GHR: variants seen among roughly 807,000 people sequenced by gnomAD.
GHR encodes the protein growth hormone receptor.
A neutral mutation model predicts 67.1 loss-of-function variants in GHR; 35 were observed. The ratio of observed to expected loss-of-function variants is 0.52; its 90% confidence interval spans 0.40 to 0.69. The LOEUF is 0.69. Ranked by LOEUF, GHR falls within the 30% of genes least tolerant of loss-of-function variation. The pLI is 0.00. For synonymous variants in GHR, 272 were observed against 269.1 expected (o/e 1.01, Z -0.10); for missense variants, 792 against 764.6 (o/e 1.04, Z -0.42).
At chr5:42,666,586 A>T (rs1434510484) in intron 3 of GHR, among the ~76,000 whole-genome samples, 1 of 152,200 alleles carries the variant, frequency 6.6e-6, no homozygotes, top group East Asian at 1.9e-4. Context: ...TAAAATTTAA[A>T]ATTCAATTCT....
intron 6 of GHR, among the ~76,000 whole-genome samples, chr5:42,708,977 T>C (rs374287715): frequency 6.6e-6 from 1 of 152,276 alleles, no homozygotes; most frequent in Admixed American, 6.5e-5. Context: ...TATATAATAA[T>C]TTATTTATCT....
At chr5:42,672,867 G>T (rs1383719978) in intron 3 of GHR, among the ~76,000 whole-genome samples, 1 of 152,072 alleles carries the variant, frequency 6.6e-6, no homozygotes, top group Non-Finnish European at 1.5e-5. Context: ...CCTTGGAAAA[G>T]AATTTATGAC....
chr5:42,437,208 A>T (rs1241263286), intron 1 of GHR, among the ~76,000 whole-genome samples: 3 of 152,250 alleles, frequency 2.0e-5, no homozygotes, highest in Admixed American at 2.0e-4. Context: ...AGAGCATTGC[A>T]TATTTTTAAA....
rs10716908 is a variant in GHR, at chr5:42,588,526, C to CAAAAAAAAAAAAAAA, written c.70+22593_70+22607dup. On this transcript the variant is annotated intron_variant, in intron 2 of 9. Transcript: ENST00000230882. ...GGGCAGCAAAAGCGAAACTCCATCT[C>CAAAAAAAAAAAAAAA]AAAAAAAAAAAAAAAAAAAAAAAAA... Among the ~76,000 whole-genome samples, 322 of 45,126 alleles carry CAAAAAAAAAAAAAAA rather than the reference C, an allele frequency of 7.1e-3. 22 individuals are homozygous for CAAAAAAAAAAAAAAA. The highest frequency in any genetic ancestry group is 9.7e-3 in the Non-Finnish European group (236 of 24,256). 29.6% of individuals were successfully genotyped at this position (45,126 alleles called of 152,430 possible). A position where few individuals can be genotyped will look rare whatever the true frequency, so the allele number is the denominator to read the frequency against.
intron 2 of GHR, among the ~76,000 whole-genome samples, chr5:42,626,235 C>T (rs182876760): frequency 2.2e-4 from 34 of 152,274 alleles, no homozygotes; most frequent in Admixed American, 1.6e-3. Context: ...CACAGGTTTA[C>T]GGCTCATTCC....
At chr5:42,662,960 C>T (rs1242020047) in intron 3 of GHR, among the ~76,000 whole-genome samples, 1 of 152,116 alleles carries the variant, frequency 6.6e-6, no homozygotes, top group Non-Finnish European at 1.5e-5. Flanking sequence ...GAGAATACTA[C>T]AAACACCTCT....
At chr5:42,576,119 A>T (rs1383375393) in intron 2 of GHR, among the ~76,000 whole-genome samples, 20 of 102,570 alleles carry the variant, frequency 1.9e-4, no homozygotes, top group African/African-American at 8.0e-4. Context: ...AAAATAAAAT[A>T]AAATAAAATA....
At chr5:42,567,035 T>A (rs748897359) in intron 2 of GHR, among the ~76,000 whole-genome samples, 3 of 152,238 alleles carry the variant, frequency 2.0e-5, no homozygotes, top group Non-Finnish European at 4.4e-5. Flanking sequence ...TCTCTGGCGT[T>A]ATAATGTCAA....
intron 1 of GHR, among the ~76,000 whole-genome samples, chr5:42,495,740 T>C (rs1440679471): frequency 6.6e-6 from 1 of 152,144 alleles, no homozygotes; most frequent in Non-Finnish European, 1.5e-5. Context: ...AAGAACTGCA[T>C]AGTTTGCAGT....
chr5:42,660,892 C>T lies in GHR; in HGVS notation c.137-27998C>T, dbSNP rs1241587791. Among the ~76,000 whole-genome samples, 9 of 152,172 alleles carry T rather than the reference C, an allele frequency of 5.9e-5. No homozygotes were observed. The Middle Eastern group carries it at 0.027, about 460-fold the overall frequency. On this transcript the variant is annotated intron_variant, in intron 3 of 9. Coordinates refer to ENST00000230882, the MANE Select transcript of GHR (RefSeq NM_000163.5). ...TTAGAAGAATGTATAACTAGAATAA[C>T]CAATACAGAGAAGTGCTTAAAGGAG... is the stretch of plus-strand genomic sequence containing the variant.
chr5:42,686,193 C>G (rs1276532344), intron 3 of GHR, among the ~76,000 whole-genome samples: 1 of 152,032 alleles, frequency 6.6e-6, no homozygotes, highest in Non-Finnish European at 1.5e-5. Context: ...ATTTATTAAA[C>G]AGGGAATCCT....
chr5:42,481,177 G>A (rs1027853279), intron 1 of GHR, among the ~76,000 whole-genome samples: 2 of 152,084 alleles, frequency 1.3e-5, no homozygotes, highest in African/African-American at 4.8e-5. Context: ...GAAATTCTGG[G>A]TTGAAAATTC....
intron 2 of GHR, among the ~76,000 whole-genome samples, chr5:42,583,377 T>G (rs1174295942): frequency 7.3e-6 from 1 of 136,916 alleles, no homozygotes; most frequent in African/African-American, 3.0e-5. Context: ...CCCATTACTT[T>G]GCGTTCCACC....
intron 1 of GHR, among the ~76,000 whole-genome samples, chr5:42,474,804 A>C (rs1745223340): frequency 6.6e-6 from 1 of 151,808 alleles, no homozygotes; most frequent in Non-Finnish European, 1.5e-5. Flanking sequence ...ATTTGTTTAC[A>C]ATATATTTTT....
chr5:42,583,391 A>G (rs778696819), intron 2 of GHR, among the ~76,000 whole-genome samples: 1 of 152,202 alleles, frequency 6.6e-6, no homozygotes, highest in Non-Finnish European at 1.5e-5. Context: ...TTCCACCTTG[A>G]CAATTGCTAT....
At chr5:42,478,043 C>T (rs1280217136) in intron 1 of GHR, among the ~76,000 whole-genome samples, 1 of 151,998 alleles carries the variant, frequency 6.6e-6, no homozygotes, top group Non-Finnish European at 1.5e-5. Context: ...TTTAATCCAT[C>T]TTGAATTAAT....
At chr5:42,694,000 C>A (rs1321014746) in intron 4 of GHR, among the ~76,000 whole-genome samples, 1 of 152,190 alleles carries the variant, frequency 6.6e-6, no homozygotes, top group Non-Finnish European at 1.5e-5. Context: ...TACTTCCTTA[C>A]CTCAATCCCT....
intron 3 of GHR, among the ~76,000 whole-genome samples, chr5:42,640,424 A>C (rs753171915): frequency 8.5e-5 from 13 of 152,150 alleles, no homozygotes; most frequent in Non-Finnish European, 1.6e-4. Context: ...GATATGGAAT[A>C]AGGTGTTAGG....
chr5:42,709,183 G>A (rs924660202), intron 6 of GHR, among the ~76,000 whole-genome samples: 4 of 152,126 alleles, frequency 2.6e-5, no homozygotes, highest in African/African-American at 9.7e-5. Flanking sequence ...CCCCAGGCTA[G>A]AGTACAGTGG....
Sources: allele counts gnomAD v4.1 joint callset (sites outside exome capture counted in the v4.1 genomes callset), GRCh38; gene constraint gnomAD v4.1.1; transcripts MANE v1.5; gene names NCBI Gene and HGNC (gene_info 2026-07-23, HGNC 2026-07-21).